CDH22: variants seen among roughly 807,000 people sequenced by gnomAD.
The protein encoded by CDH22 is cadherin-22.
A neutral mutation model predicts 58.4 loss-of-function variants in CDH22; 30 were observed. The observed-to-expected ratio is 0.51, with a 90% confidence interval of 0.38 to 0.70. The LOEUF (loss-of-function observed/expected upper bound fraction) is 0.70, where lower values mean the gene tolerates loss of function less well. Among genes scored for constraint, CDH22 ranks in the 30% least tolerant of loss-of-function variants. The pLI, the probability that CDH22 is intolerant of heterozygous loss-of-function variation, is 0.00. For synonymous variants in CDH22, 513 were observed against 558.2 expected, an observed-to-expected ratio of 0.92 and a Z score of 1.14; for missense variants, 1,014 against 1,233.9, an observed-to-expected ratio of 0.82 and a Z score of 2.67.
At chr20:46,282,724 TCCGCCTCCC>T (rs2086556566) in intron 1 of CDH22, among the ~76,000 whole-genome samples, 2 of 151,928 alleles carry the variant, frequency 1.3e-5, no homozygotes, top group Non-Finnish European at 2.9e-5. Flanking sequence ...TCAGAGCTTA[TCCGCCTCCC>T]CCAGTGAGTT....
intron 1 of CDH22, among the ~76,000 whole-genome samples, chr20:46,260,086 T>C (rs2086425942): frequency 6.6e-6 from 1 of 152,198 alleles, no homozygotes; most frequent in African/African-American, 2.4e-5. Flanking sequence ...TTAGAAAGTA[T>C]TATGTGACAC....
chr20:46,294,278 C>G (rs879363603), intron 1 of CDH22, among the ~76,000 whole-genome samples: 1 of 152,110 alleles, frequency 6.6e-6, no homozygotes, highest in South Asian at 2.1e-4. Flanking sequence ...TGGTTGCAAA[C>G]GAAGTGGGTT....
intron 8 of CDH22, among the ~76,000 whole-genome samples, chr20:46,196,384 G>A (rs530149296): frequency 2.6e-5 from 4 of 151,870 alleles, no homozygotes; most frequent in Admixed American, 6.6e-5. Context: ...AGCGATTCTC[G>A]TGCCTTAGCC....
chr20:46,228,536 G>A (rs904001278), intron 3 of CDH22, among the ~76,000 whole-genome samples: 2 of 150,678 alleles, frequency 1.3e-5, no homozygotes, highest in African/African-American at 4.9e-5. Flanking sequence ...GGCTTGGGAC[G>A]TGAGGCTAGA....
chr20:46,211,197 C>T (rs1329523855), intron 6 of CDH22, among the ~76,000 whole-genome samples: 2 of 152,232 alleles, frequency 1.3e-5, no homozygotes, highest in Non-Finnish European at 2.9e-5. Context: ...GAATGAGCTC[C>T]ATGGCTGTGT....
chr20:46,256,740 C>T (rs1159393238), intron 1 of CDH22, among the ~76,000 whole-genome samples: 1 of 152,152 alleles, frequency 6.6e-6, no homozygotes, highest in Non-Finnish European at 1.5e-5. Flanking sequence ...GTGGTTCATG[C>T]CTGTAATCTC....
At chr20:46,200,682 G>A (rs1191201472) in intron 7 of CDH22, among the ~76,000 whole-genome samples, 1 of 152,206 alleles carries the variant, frequency 6.6e-6, no homozygotes, top group Non-Finnish European at 1.5e-5. Context: ...AAGGTGCAAA[G>A]GCGCGGCGGC....
chr20:46,286,791 T>C (rs1325281290), intron 1 of CDH22, among the ~76,000 whole-genome samples: 2 of 152,096 alleles, frequency 1.3e-5, no homozygotes, highest in African/African-American at 4.8e-5. Context: ...CTAACATCCT[T>C]ATCTGAGCTC....
At chr20:46,288,649 T>A (rs1458161454) in intron 1 of CDH22, among the ~76,000 whole-genome samples, 1 of 152,182 alleles carries the variant, frequency 6.6e-6, no homozygotes, top group East Asian at 1.9e-4. Flanking sequence ...AAACTGCTCC[T>A]CTTCCAGCAT....
chr20:46,252,143 C>T (rs1461971608), intron 1 of CDH22, among the ~76,000 whole-genome samples: 2 of 152,072 alleles, frequency 1.3e-5, no homozygotes, highest in South Asian at 4.1e-4. Context: ...AGTCCAGCAC[C>T]CAGCCCACCA....
intron 8 of CDH22, among the ~76,000 whole-genome samples, chr20:46,195,460 A>C (rs6032715): frequency 0.044 from 6,688 of 152,286 alleles, 383 homozygotes; most frequent in East Asian, 0.28. Flanking sequence ...CAGATGGGGA[A>C]GCTTCTGGCG....
intron 3 of CDH22, among the ~76,000 whole-genome samples, chr20:46,231,629 T>C (rs1801440526): frequency 1.3e-5 from 2 of 152,046 alleles, no homozygotes; most frequent in Admixed American, 1.3e-4. Flanking sequence ...CCTGGACTCA[T>C]TGAGCCTGTT....
chr20:46,238,448 T>A (rs2086268923), intron 3 of CDH22, among the ~76,000 whole-genome samples: 2 of 152,302 alleles, frequency 1.3e-5, no homozygotes, highest in South Asian at 4.1e-4. Flanking sequence ...TATCCAAATT[T>A]ATCTCTCCAG....
At chr20:46,206,660 T>C (rs750217474) in intron 7 of CDH22, among the ~76,000 whole-genome samples, 45 of 152,184 alleles carry the variant, frequency 3.0e-4, no homozygotes, top group Non-Finnish European at 4.9e-4. Context: ...CCCTGACCAC[T>C]CAATTCAAAG....
intron 1 of CDH22, among the ~76,000 whole-genome samples, chr20:46,290,503 C>A (rs142833644): frequency 9.8e-5 from 15 of 152,336 alleles, no homozygotes; most frequent in African/African-American, 2.9e-4. Context: ...TTTATTCATT[C>A]TCTGAAGGGT....
Position 46,300,138 on chromosome 20 carries a change from A to G in CDH22, c.-400+8117T>C, listed in dbSNP as rs2086644799. ...AGGACTTGGACTCGTCAGTCCCTAA[A>G]GGCCCTTTCAACTCCAAAATGCATA... On this transcript the variant is annotated intron_variant, in intron 1 of 11. Coordinates refer to ENST00000537909, the MANE Select transcript of CDH22 (RefSeq NM_021248.3). This position sits in a 1 kb window ranked among gnomAD's most constrained non-coding sequence, Gnocchi z 4.4. Among the ~76,000 whole-genome samples, 1 of 152,092 alleles carries G rather than the reference A, an allele frequency of 6.6e-6. No individual in the cohort carries two copies. Among genetic ancestry groups the G allele is most frequent in the Non-Finnish European group, 1.5e-5 (1 of 68,004 alleles).
chr20:46,202,809 C>T (rs1444992091), intron 7 of CDH22, among the ~76,000 whole-genome samples: 2 of 152,176 alleles, frequency 1.3e-5, no homozygotes, highest in South Asian at 2.1e-4. Context: ...ATCATCAGCT[C>T]AGCTGGAAAG....
chr20:46,176,223 A>T (rs1280846947), intron 11 of CDH22, among the ~76,000 whole-genome samples: 4 of 152,164 alleles, frequency 2.6e-5, no homozygotes, highest in Non-Finnish European at 1.5e-5. Flanking sequence ...ACAGCTTTAA[A>T]AGTTCCATTT....
chr20:46,273,167 A>C (rs999265520), intron 1 of CDH22, among the ~76,000 whole-genome samples: 2 of 152,130 alleles, frequency 1.3e-5, no homozygotes, highest in Non-Finnish European at 2.9e-5. Context: ...TTGGATTTCA[A>C]TTCCCCTTAT....
Sources: allele counts gnomAD v4.1 joint callset (sites outside exome capture counted in the v4.1 genomes callset), GRCh38; gene constraint gnomAD v4.1.1; non-coding constraint Gnocchi (gnomAD v3.1); transcripts MANE v1.5; gene names NCBI Gene and HGNC (gene_info 2026-07-23, HGNC 2026-07-21).